The following PCMTD1 variants were observed in gnomAD, a reference collection of about 807,000 sequenced individuals.
PCMTD1 encodes the protein protein-L-isoaspartate O-methyltransferase domain-containing protein 1.
PCMTD1 carries 12 observed loss-of-function variants against 37.6 expected under a neutral mutation model. The observed-to-expected ratio is 0.32, with a 90% CI of 0.20 to 0.52. PCMTD1 has a LOEUF of 0.52. Ranked by LOEUF, PCMTD1 falls within the 20% of genes least tolerant of loss-of-function variation. The pLI is 0.97. For synonymous variants in PCMTD1, 117 were observed against 135.8 expected, an observed-to-expected ratio of 0.86 and a Z score of 0.96; for missense variants, 235 against 421.3, an observed-to-expected ratio of 0.56 and a Z score of 3.87.
intron 1 of PCMTD1, among the ~76,000 whole-genome samples, chr8:51,892,486 G>C (rs1034529234): frequency 2.6e-5 from 4 of 152,104 alleles, no homozygotes; most frequent in African/African-American, 7.2e-5. Context: ...CTAATCATCA[G>C]GTCAGAAAAG....
chr8:51,831,777 G>T (rs2038001965), intron 4 of PCMTD1, among the ~76,000 whole-genome samples: 1 of 152,142 alleles, frequency 6.6e-6, no homozygotes, highest in Non-Finnish European at 1.5e-5. Flanking sequence ...ATGTTTTAAC[G>T]CAAATGGGAT....
upstream of PCMTD1, chr8:51,899,131 C>G (rs1425223668): frequency 7.2e-7 from 1 of 1,394,142 alleles, no homozygotes; most frequent in Non-Finnish European, 9.3e-7. Context: ...ACCACGGGCA[C>G]AGGGGCAGCT....
At chr8:51,881,430 C>T (rs12541846) in intron 1 of PCMTD1, among the ~76,000 whole-genome samples, 8,028 of 152,206 alleles carry the variant, frequency 0.053, 217 homozygotes, top group African/African-American at 0.076. Flanking sequence ...TCGTCCTCCA[C>T]AGAAAAACAG....
intron 1 of PCMTD1, among the ~76,000 whole-genome samples, chr8:51,873,127 C>A (rs1382084141): frequency 6.6e-6 from 1 of 152,114 alleles, no homozygotes; most frequent in Admixed American, 6.5e-5. Flanking sequence ...AAAGTATTAT[C>A]CATAAGTTTT....
chr8:51,846,631 ATTT>A (rs2038224133), intron 2 of PCMTD1, among the ~76,000 whole-genome samples: 1 of 151,588 alleles, frequency 6.6e-6, no homozygotes, highest in African/African-American at 2.4e-5. Context: ...AAGGTGTCTT[ATTT>A]TCAGTATCTT....
chr8:51,887,696 C>T (rs1450651081), intron 1 of PCMTD1, among the ~76,000 whole-genome samples: 2 of 150,682 alleles, frequency 1.3e-5, no homozygotes, highest in Admixed American at 6.6e-5. Context: ...AAAGAGTACG[C>T]TCAGTCCCAA....
At chr8:51,827,345 C>A in intron 5 of PCMTD1, 1 of 1,027,298 alleles carries the variant, frequency 9.7e-7, no homozygotes, top group East Asian at 6.0e-5. Context: ...TTTCCGCTTT[C>A]TATGGTCAAC....
intron 1 of PCMTD1, among the ~76,000 whole-genome samples, chr8:51,898,641 C>T (rs1166297239): frequency 6.6e-6 from 1 of 152,040 alleles, no homozygotes; most frequent in African/African-American, 2.4e-5. Flanking sequence ...CCCCGACCTC[C>T]CCGGCCCCAG....
intron 1 of PCMTD1, among the ~76,000 whole-genome samples, chr8:51,873,920 C>CTTTTTCT (rs2038676153): frequency 7.0e-6 from 1 of 142,584 alleles, no homozygotes; most frequent in African/African-American, 2.6e-5. Context: ...TTTTCTTTTT[C>CTTTTTCT]TTTTTTTTTT....
At chr8:51,849,162 A>AT (rs1236226925) in intron 2 of PCMTD1, 2 of 152,170 alleles carry the variant, frequency 1.3e-5, no homozygotes, top group African/African-American at 4.8e-5. Context: ...GTAAGGAAAC[A>AT]TTTTTATCAT....
At chr8:51,868,654 G>C (rs1296800549) in intron 1 of PCMTD1, among the ~76,000 whole-genome samples, 1 of 151,778 alleles carries the variant, frequency 6.6e-6, no homozygotes, top group Non-Finnish European at 1.5e-5. Flanking sequence ...GACAGTCTAG[G>C]GCAGAAAAAT....
chr8:51,847,558 C>A (rs747835150), intron 2 of PCMTD1, among the ~76,000 whole-genome samples: 1 of 151,778 alleles, frequency 6.6e-6, no homozygotes, highest in Non-Finnish European at 1.5e-5. Flanking sequence ...ACTCAGGAGA[C>A]GGAGGTTGCA....
chr8:51,876,680 A>G lies in PCMTD1; in HGVS notation c.-95-15434T>C, dbSNP rs147918387. On this transcript the variant is annotated intron_variant, in intron 1 of 5. Transcript: ENST00000522514. Reference sequence around the variant, plus strand: ...AAAAAATGAGATGTCAAAGATAAAGAAGCCAGCTTGAAGAGTCCTCTGTTG... The same window carrying G: ...AAAAAATGAGATGTCAAAGATAAAGGAGCCAGCTTGAAGAGTCCTCTGTTG... Among the ~76,000 whole-genome samples, 388 of 152,320 alleles carry G rather than the reference A, an allele frequency of 2.5e-3. 2 individuals are homozygous for G. Among genetic ancestry groups the G allele is most frequent in the African/African-American group, 9.0e-3 (376 of 41,572 alleles).
In PCMTD1 at chr8:51,888,103, T is replaced by TC. The variant is rs568342588; in HGVS notation, c.-96+10826dup. ...AAGAAACTGTGCCTAAATATAAACTTCAAGTTTAAAACTGTTTAGAGTTCA... is the reference window on the plus strand; with the variant it reads ...AAGAAACTGTGCCTAAATATAAACTTCCAAGTTTAAAACTGTTTAGAGTTCA... On this transcript the variant is annotated intron_variant, in intron 1 of 5. Coordinates refer to ENST00000522514, the MANE Select transcript of PCMTD1 (RefSeq NM_052937.4). 1.8e-4 allele frequency among the ~76,000 whole-genome samples: 27 copies of TC among 152,318 alleles called. No homozygotes were observed. In the East Asian group the frequency reaches 5.0e-3, roughly 28 times the overall value.
At chr8:51,898,821 C>G (rs1390635800) in intron 1 of PCMTD1, 109 bp downstream of exon 1, 3 of 1,087,300 alleles carry the variant, frequency 2.8e-6, no homozygotes, top group Middle Eastern at 3.4e-4. Flanking sequence ...CTTCGGCTGC[C>G]GTCCCCCTGG....
At chr8:51,889,162 T>C (rs2038903903) in intron 1 of PCMTD1, among the ~76,000 whole-genome samples, 1 of 152,210 alleles carries the variant, frequency 6.6e-6, no homozygotes, top group African/African-American at 2.4e-5. Context: ...AGGTTATCAG[T>C]CCAAGTTTGG....
At chr8:51,830,983 G>C (rs994237360) in intron 5 of PCMTD1, among the ~76,000 whole-genome samples, 2 of 118,748 alleles carry the variant, frequency 1.7e-5, no homozygotes, top group Non-Finnish European at 3.9e-5. Context: ...TACAAGGTGA[G>C]GGCTTTATTT....
At chr8:51,842,020 T>C (rs1346315470) in intron 3 of PCMTD1, among the ~76,000 whole-genome samples, 2 of 120,294 alleles carry the variant, frequency 1.7e-5, no homozygotes, top group South Asian at 3.0e-4. Flanking sequence ...GCCTAAAAGA[T>C]TTACTAACTG....
intron 1 of PCMTD1, among the ~76,000 whole-genome samples, chr8:51,865,750 G>A (rs958638326): frequency 2.0e-5 from 3 of 151,550 alleles, no homozygotes; most frequent in African/African-American, 7.3e-5. Context: ...GGTTTTCCAC[G>A]ATCAGGAATA....
Sources: gnomAD v4.1 joint callset for allele counts (sites outside exome capture counted in the v4.1 genomes callset) on GRCh38, gnomAD v4.1.1 for gene constraint, MANE v1.5 for transcripts, NCBI Gene and HGNC (gene_info 2026-07-23, HGNC 2026-07-21) for gene names.